The following EFCAB11 variants were observed in gnomAD, a reference collection of about 807,000 sequenced individuals.
EFCAB11 encodes EF-hand calcium-binding domain-containing protein 11.
A neutral mutation model predicts 23.0 loss-of-function variants in EFCAB11; 14 were observed. That is an observed-to-expected ratio of 0.61 (90% CI 0.40 to 0.95). The LOEUF is 0.95. Ranked by LOEUF, EFCAB11 falls within the 40% of genes least tolerant of loss-of-function variation. The pLI is 0.00. For synonymous variants in EFCAB11, 65 were observed against 66.6 expected (o/e 0.98, Z 0.11); for missense variants, 198 against 195.8 (o/e 1.01, Z -0.07).
intron 3 of EFCAB11, 121 bp downstream of exon 3, chr14:89,949,976 C>A: frequency 9.1e-7 from 1 of 1,095,708 alleles, no homozygotes; most frequent in Non-Finnish European, 1.3e-6. Context: ...GATTCAGTTA[C>A]CTTCCACCAG....
chr14:89,949,861 G>C (rs1891104548), intron 3 of EFCAB11, among the ~76,000 whole-genome samples: 2 of 152,112 alleles, frequency 1.3e-5, no homozygotes. Flanking sequence ...GATGGCAGCA[G>C]GCAAAGAGAG....
chr14:89,833,186 G>C (rs2140116765), intron 5 of EFCAB11: 1 of 152,236 alleles, frequency 6.6e-6, no homozygotes, highest in South Asian at 2.1e-4. Context: ...CCCTATTTAA[G>C]TAGAGAGTAG....
chr14:89,952,403 C>G (rs976366210), intron 2 of EFCAB11: 1 of 985,240 alleles, frequency 1.0e-6, no homozygotes, highest in African/African-American at 1.7e-5. Flanking sequence ...CCAGGTGAAT[C>G]CAAGTTAAAT....
intron 5 of EFCAB11, chr14:89,831,048 T>TG (rs1566775416): frequency 6.6e-6 from 1 of 152,522 alleles, no homozygotes; most frequent in Non-Finnish European, 1.5e-5. Flanking sequence ...AGTAGATTGA[T>TG]GGGGGCAAAG....
chr14:89,812,503 A>C (rs1385487634), intron 5 of EFCAB11, among the ~76,000 whole-genome samples: 3 of 152,238 alleles, frequency 2.0e-5, no homozygotes, highest in African/African-American at 7.2e-5. Flanking sequence ...AGAGCTGAGA[A>C]CAAATTTGAC....
intron 5 of EFCAB11, among the ~76,000 whole-genome samples, chr14:89,857,051 G>C (rs9323847): frequency 0.73 from 110,428 of 152,056 alleles, 40,758 homozygotes; most frequent in Non-Finnish European, 0.81. Flanking sequence ...CTGGGTGCAT[G>C]TGAACTGAAG....
intron 5 of EFCAB11, among the ~76,000 whole-genome samples, chr14:89,893,948 A>T (rs1449688180): frequency 6.6e-6 from 1 of 152,128 alleles, no homozygotes; most frequent in Admixed American, 6.5e-5. Flanking sequence ...ATACAGAAAA[A>T]GCATATAGTG....
chr14:89,812,438 C>T (rs907635610), intron 5 of EFCAB11, among the ~76,000 whole-genome samples: 5 of 152,168 alleles, frequency 3.3e-5, no homozygotes, highest in Non-Finnish European at 1.5e-5. Context: ...AAAGGGAGTT[C>T]TTGGAACTTC....
chr14:89,940,837 A>G (rs758586311), intron 3 of EFCAB11, among the ~76,000 whole-genome samples: 21 of 152,338 alleles, frequency 1.4e-4, no homozygotes, highest in Non-Finnish European at 2.9e-4. Context: ...TCAGTGGGAC[A>G]ATGCTCATTC....
chr14:89,856,560 TAA>T (rs1425298599), intron 5 of EFCAB11, among the ~76,000 whole-genome samples: 1 of 152,098 alleles, frequency 6.6e-6, no homozygotes, highest in Admixed American at 6.5e-5. Context: ...CAACGGTATA[TAA>T]GAGTTCCCTC....
chr14:89,830,765 T>G (rs759833299), intron 5 of EFCAB11: 3 of 152,202 alleles, frequency 2.0e-5, no homozygotes, highest in Non-Finnish European at 4.4e-5. Context: ...CTAATGAAAC[T>G]GGCAAAAAAT....
chr14:89,919,935 C>G (rs1889970718), intron 5 of EFCAB11, among the ~76,000 whole-genome samples: 1 of 152,152 alleles, frequency 6.6e-6, no homozygotes, highest in African/African-American at 2.4e-5. Context: ...ATGCTAAACT[C>G]ACAGTAACTG....
At chr14:89,946,679 C>G (rs1408218098) in intron 3 of EFCAB11, among the ~76,000 whole-genome samples, 1 of 151,762 alleles carries the variant, frequency 6.6e-6, no homozygotes, top group East Asian at 1.9e-4. Flanking sequence ...CTCAAGGGAT[C>G]CTGCCTCAGC....
rs369132018 is a variant in EFCAB11, at chr14:89,837,173, CT to C, written c.411-39850del. 679 of 454,662 alleles carry C rather than the reference CT, an allele frequency of 1.5e-3. 7 individuals are homozygous for C. Among genetic ancestry groups the C allele is most frequent in the South Asian group, 0.01 (646 of 64,442 alleles). 28.2% of individuals were successfully genotyped at this position (454,662 alleles called of 1,614,324 possible). A position where few individuals can be genotyped will look rare whatever the true frequency, so the allele number is the denominator to read the frequency against. The stretch of plus-strand genomic sequence containing the variant: ...GCAACATACAGAAATAACAGATACA[CT>C]ATTTATTTAAACCACATAAGCCTTA... On this transcript the variant is annotated intron_variant, in intron 5 of 5. Transcript: ENST00000316738.
At chr14:89,833,810 G>A (rs758273289) in intron 5 of EFCAB11, among the ~76,000 whole-genome samples, 1 of 152,184 alleles carries the variant, frequency 6.6e-6, no homozygotes, top group Non-Finnish European at 1.5e-5. Context: ...AGAACACTGT[G>A]TGGCTTAAAT....
intron 5 of EFCAB11, among the ~76,000 whole-genome samples, chr14:89,875,973 A>G (rs2140169234): frequency 6.6e-6 from 1 of 152,348 alleles, no homozygotes; most frequent in South Asian, 2.1e-4. Flanking sequence ...GGAAAAGGGC[A>G]TCTCAAGGAG....
intron 5 of EFCAB11, among the ~76,000 whole-genome samples, chr14:89,842,671 G>A (rs527268369): frequency 2.6e-5 from 4 of 151,972 alleles, no homozygotes; most frequent in South Asian, 2.1e-4. Context: ...GTCTTAAAAC[G>A]CCCCAGTATC....
At chr14:89,937,616 C>T (rs1264763836) in intron 3 of EFCAB11, among the ~76,000 whole-genome samples, 1 of 152,156 alleles carries the variant, frequency 6.6e-6, no homozygotes, top group Non-Finnish European at 1.5e-5. Context: ...ACCTCCACCT[C>T]CTGGGTTCAA....
intron 5 of EFCAB11, among the ~76,000 whole-genome samples, chr14:89,842,626 TG>T (rs764657097): frequency 0.094 from 14,140 of 150,852 alleles, 1,261 homozygotes; most frequent in African/African-American, 0.23. Flanking sequence ...TGATATGATA[TG>T]ATATGATATG....
Sources: gnomAD v4.1 joint callset for allele counts (sites outside exome capture counted in the v4.1 genomes callset) on GRCh38, gnomAD v4.1.1 for gene constraint, MANE v1.5 for transcripts, NCBI Gene and HGNC (gene_info 2026-07-23, HGNC 2026-07-21) for gene names.